Variants in SLC22A24 observed in about 807,000 individuals in gnomAD.
SLC22A24 encodes solute carrier family 22 member 24.
A neutral mutation model predicts 49.8 loss-of-function variants in SLC22A24; 53 were observed. The observed-to-expected ratio is 1.06, with a 90% CI of 0.85 to 1.34. The LOEUF is 1.34. Among genes scored for constraint, SLC22A24 ranks in the 40% most tolerant of loss-of-function variants. The probability of loss-of-function intolerance (pLI) is 0.00; values close to 1 mark genes in which losing one functional copy is unlikely to be tolerated. For missense variants in SLC22A24, 786 were observed against 675.9 expected, an observed-to-expected ratio of 1.16 and a Z score of -1.81; for synonymous variants, 302 against 256.4, an observed-to-expected ratio of 1.18 and a Z score of -1.70.
At chr11:63,095,516 T>C (rs1477131531) in intron 6 of SLC22A24, among the ~76,000 whole-genome samples, 4 of 152,146 alleles carry the variant, frequency 2.6e-5, no homozygotes, top group Non-Finnish European at 4.4e-5. Flanking sequence ...TCTGCAGGGA[T>C]AGCAGTAAGT....
chr11:63,137,641 T>C (rs545111433), intron 1 of SLC22A24, among the ~76,000 whole-genome samples: 9 of 152,222 alleles, frequency 5.9e-5, no homozygotes, highest in Non-Finnish European at 1.0e-4. Flanking sequence ...GTTTTGTATG[T>C]GTATTTTGCT....
chr11:63,104,056 A>C, intron 5 of SLC22A24, 119 bp downstream of exon 5: 1 of 945,032 alleles, frequency 1.1e-6, no homozygotes, highest in Non-Finnish European at 1.6e-6. Flanking sequence ...TTATCAGGAC[A>C]GAGATGTAAG....
At chr11:63,100,187 CA>C (rs1215820979) in intron 5 of SLC22A24, among the ~76,000 whole-genome samples, 1 of 151,890 alleles carries the variant, frequency 6.6e-6, no homozygotes, top group Non-Finnish European at 1.5e-5. Flanking sequence ...CAACACTCCA[CA>C]AAAAACTATG....
At chr11:63,122,532 T>TTTAG (rs2087259223) in intron 2 of SLC22A24, among the ~76,000 whole-genome samples, 1 of 152,162 alleles carries the variant, frequency 6.6e-6, no homozygotes, top group South Asian at 2.1e-4. Flanking sequence ...TATTTATTTA[T>TTTAG]TGAGATGGAG....
At chr11:63,081,766 A>G in intron 7 of SLC22A24, 100 bp from the exon 8 acceptor site, 1 of 783,152 alleles carries the variant, frequency 1.3e-6, no homozygotes, top group South Asian at 1.5e-5. Flanking sequence ...GCAAGTGTGA[A>G]ATATGTGGTA....
At chr11:63,111,077 A>G (rs1377261475) in intron 4 of SLC22A24, among the ~76,000 whole-genome samples, 6 of 151,842 alleles carry the variant, frequency 4.0e-5, no homozygotes, top group African/African-American at 1.2e-4. Flanking sequence ...GAATTTTGTC[A>G]AAGGCCTTTT....
rs116063135 is a variant in SLC22A24, at chr11:63,119,234, C to T, written c.608G>A (p.Arg203His). The change falls in exon 3 of 10, where the codon CGC (arginine) becomes CAC (histidine). Residue 203 changes from arginine (R) to histidine (H), a missense_variant. Transcript: ENST00000612278. Reference sequence around the variant, plus strand: ...CATGGTGGAGAACCCTGCCAAGAAGCGCAGTATGCAGTAAACAAGGAAGGT... The same window carrying T: ...CATGGTGGAGAACCCTGCCAAGAAGTGCAGTATGCAGTAAACAAGGAAGGT... ...APTFLVYCILRFLAGFSTMTI... is the reference protein window; with the variant it reads ...APTFLVYCILHFLAGFSTMTI... 3,101 of 1,550,974 alleles carry T rather than the reference C, an allele frequency of 2.0e-3. 59 individuals are homozygous for T. The African/African-American group carries it at 0.035, about 17-fold the overall frequency.
intron 6 of SLC22A24, among the ~76,000 whole-genome samples, chr11:63,087,024 G>GTGCGCACACACA (rs1555045311): frequency 7.5e-6 from 1 of 132,556 alleles, no homozygotes; most frequent in African/African-American, 2.9e-5. Flanking sequence ...CCTGGAGGGC[G>GTGCGCACACACA]CACACACACA....
chr11:63,128,848 C>G (rs2087313156), intron 2 of SLC22A24, among the ~76,000 whole-genome samples: 1 of 152,178 alleles, frequency 6.6e-6, no homozygotes, highest in Non-Finnish European at 1.5e-5. Flanking sequence ...GTCTCCGCGT[C>G]TTGGTGGTAG....
At chr11:63,083,757 T>C (rs2086972621) in intron 6 of SLC22A24, among the ~76,000 whole-genome samples, 1 of 152,170 alleles carries the variant, frequency 6.6e-6, no homozygotes, top group South Asian at 2.1e-4. Context: ...TCAATGAAAG[T>C]TAAAAACCTA....
At chr11:63,127,757 G>A (rs1441569980) in intron 2 of SLC22A24, among the ~76,000 whole-genome samples, 2 of 151,958 alleles carry the variant, frequency 1.3e-5, no homozygotes, top group South Asian at 4.2e-4. Flanking sequence ...TCATATGTCT[G>A]TTTTCTGCAT....
Position 63,079,948 on chromosome 11 carries a change from G to A in SLC22A24, c.1651C>T (p.Gln551Ter), listed in dbSNP as rs139977495. 21 of 1,543,182 alleles carry A rather than the reference G, an allele frequency of 1.4e-5. No homozygotes were observed. The highest frequency in any genetic ancestry group is 1.7e-4 in the Middle Eastern group (1 of 6,008). Residue 551 changes from glutamine (Q) to a stop codon, truncating the protein, a stop_gained, in exon 10 of 10, where the codon CAG becomes TAG. Coordinates refer to ENST00000612278, the MANE Select transcript of SLC22A24 (RefSeq NM_001136506.2). LOFTEE classifies it high-confidence loss of function. Reference sequence around the variant, plus strand: ...CAGGTCTTGGGAATCTCTTAAAACTGTGTTACTTTCATGCAAGTATCTTCC... The same window carrying A: ...CAGGTCTTGGGAATCTCTTAAAACTATGTTACTTTCATGCAAGTATCTTCC... ...KQEDTCMKVTQF is the reference protein window; with the variant it reads ...KQEDTCMKVT
At chr11:63,080,606 A>G (rs1341532094) in intron 9 of SLC22A24, among the ~76,000 whole-genome samples, 1 of 152,226 alleles carries the variant, frequency 6.6e-6, no homozygotes, top group African/African-American at 2.4e-5. Context: ...GATTTGTGAG[A>G]AAACAACAGG....
rs370606508 is a variant in SLC22A24, at chr11:63,119,314, G to A, written c.528C>T (p.Cys176=). Reference sequence around the variant, plus strand: ...TGGCCAGCTGGAGGAAACACAATTTGCATATGATCTTCCGTCCAACCCTAA... The same window carrying A: ...TGGCCAGCTGGAGGAAACACAATTTACATATGATCTTCCGTCCAACCCTAA... ...LSDRVGRKII[C]KLCFLQLAIS... Residue 176 remains cysteine, a synonymous_variant, in exon 3 of 10, where the codon TGC becomes TGT. Transcript: ENST00000612278. 1.7e-5 allele frequency: 26 copies of A among 1,546,832 alleles called. No individual in the cohort carries two copies. Among genetic ancestry groups the A allele is most frequent in the Non-Finnish European group, 1.0e-5 (12 of 1,145,760 alleles).
At chr11:63,096,814 G>C (rs1330296515) in intron 5 of SLC22A24, among the ~76,000 whole-genome samples, 1 of 152,068 alleles carries the variant, frequency 6.6e-6, no homozygotes, top group Non-Finnish European at 1.5e-5. Context: ...GATGGTTTTA[G>C]GCTTGCACAA....
chr11:63,139,808 C>A (rs753524180), intron 1 of SLC22A24, among the ~76,000 whole-genome samples: 4 of 152,138 alleles, frequency 2.6e-5, no homozygotes, highest in Admixed American at 6.5e-5. Context: ...GCTCTCCTGG[C>A]CCTTTTCCTC....
chr11:63,142,253 T>A (rs2087420325), intron 1 of SLC22A24, among the ~76,000 whole-genome samples: 1 of 152,210 alleles, frequency 6.6e-6, no homozygotes, highest in Non-Finnish European at 1.5e-5. Context: ...TTATGTCCCC[T>A]GTCAGCAGGA....
chr11:63,132,853 T>A (rs1384472605), intron 2 of SLC22A24, among the ~76,000 whole-genome samples: 1 of 152,056 alleles, frequency 6.6e-6, no homozygotes, highest in African/African-American at 2.4e-5. Context: ...CAGACAGGGA[T>A]GTTTAAGTCT....
chr11:63,125,386 T>A (rs557608871), intron 2 of SLC22A24, among the ~76,000 whole-genome samples: 1 of 152,092 alleles, frequency 6.6e-6, no homozygotes, highest in Non-Finnish European at 1.5e-5. Flanking sequence ...CAACTCCCAC[T>A]TCTGAGTGAG....
Sources: gnomAD v4.1 joint callset for allele counts (sites outside exome capture counted in the v4.1 genomes callset) on GRCh38, gnomAD v4.1.1 for gene constraint, MANE v1.5 for transcripts, NCBI Gene and HGNC (gene_info 2026-07-23, HGNC 2026-07-21) for gene names.